Variants in ATF6 observed in about 807,000 individuals in gnomAD.
ATF6 encodes the protein cyclic AMP-dependent transcription factor ATF-6 alpha.
A neutral mutation model predicts 83.6 loss-of-function variants in ATF6; 53 were observed. The observed-to-expected ratio is 0.63, with a 90% CI of 0.51 to 0.80. The LOEUF (loss-of-function observed/expected upper bound fraction) is 0.80. Among genes scored for constraint, ATF6 ranks in the 30% least tolerant of loss-of-function variants. The pLI is 0.00. For synonymous variants in ATF6, 288 were observed against 285.8 expected, an observed-to-expected ratio of 1.01 and a Z score of -0.08; for missense variants, 744 against 797.9, an observed-to-expected ratio of 0.93 and a Z score of 0.81.
intron 15 of ATF6, among the ~76,000 whole-genome samples, chr1:161,916,681 C>T (rs560354450): frequency 6.6e-6 from 1 of 152,268 alleles, no homozygotes; most frequent in South Asian, 2.1e-4. Flanking sequence ...TTCCTTTAAT[C>T]TAGAAAAGCT....
intron 4 of ATF6, among the ~76,000 whole-genome samples, chr1:161,789,424 C>T (rs560855342): frequency 3.3e-5 from 5 of 151,902 alleles, no homozygotes; most frequent in African/African-American, 1.2e-4. Context: ...GTTTGTCTTT[C>T]TGTGCCTGGC....
chr1:161,817,282 C>T (rs189572078), intron 7 of ATF6, among the ~76,000 whole-genome samples: 26 of 152,296 alleles, frequency 1.7e-4, no homozygotes, highest in Non-Finnish European at 5.9e-5. Context: ...TGCCTTTTGT[C>T]TAACTTTTAG....
chr1:161,956,410 A>G (rs1469734853), intron 15 of ATF6, among the ~76,000 whole-genome samples: 1 of 152,236 alleles, frequency 6.6e-6, no homozygotes, highest in Non-Finnish European at 1.5e-5. Flanking sequence ...CACGTGTTGT[A>G]AATGAAATGA....
intron 8 of ATF6, 51 bp downstream of exon 8, chr1:161,819,869 A>G: frequency 7.0e-7 from 1 of 1,425,316 alleles, no homozygotes; most frequent in African/African-American, 1.5e-5. Context: ...TATCCTCTGG[A>G]TTAATAAATA....
chr1:161,920,714 A>C (rs951021450), intron 15 of ATF6, among the ~76,000 whole-genome samples: 32 of 152,050 alleles, frequency 2.1e-4, no homozygotes, highest in African/African-American at 7.2e-4. Context: ...GATTGCAGAA[A>C]TTCTTTTGGC....
intron 6 of ATF6, among the ~76,000 whole-genome samples, chr1:161,795,819 G>T (rs913009636): frequency 6.6e-6 from 1 of 152,186 alleles, no homozygotes; most frequent in African/African-American, 2.4e-5. Context: ...TTGTGGCCTG[G>T]TCAGCATTTA....
At chr1:161,912,689 G>C (rs1688015585) in intron 15 of ATF6, among the ~76,000 whole-genome samples, 1 of 152,146 alleles carries the variant, frequency 6.6e-6, no homozygotes, top group African/African-American at 2.4e-5. Context: ...AGCCCCTGCT[G>C]TGTTCTGACA....
At chr1:161,859,536 T>C (rs1686835536) in intron 12 of ATF6, among the ~76,000 whole-genome samples, 1 of 152,122 alleles carries the variant, frequency 6.6e-6, no homozygotes, top group Non-Finnish European at 1.5e-5. Flanking sequence ...AAGATTACTT[T>C]CTAATGAAAT....
chr1:161,802,276 A>C lies in ATF6; in HGVS notation c.909+4A>C. ...CATGAGAAATGTCGGTTCAGATGTA[A>C]GTTTTGAAACTTAGTGCTTCTCTTA... On this transcript the variant is annotated splice_donor_region_variant and intron_variant, in intron 7 of 15. Transcript: ENST00000367942. The C allele has an allele frequency of 6.2e-7, 1 of 1,612,962 alleles. No homozygotes were observed. The highest frequency in any genetic ancestry group is 8.5e-7 in the Non-Finnish European group (1 of 1,179,112).
intron 9 of ATF6, among the ~76,000 whole-genome samples, chr1:161,830,679 C>G (rs1686033203): frequency 6.6e-6 from 1 of 152,200 alleles, no homozygotes; most frequent in African/African-American, 2.4e-5. Context: ...ACAAACCTGA[C>G]AAAACCAAGC....
At chr1:161,918,009 A>G (rs1303612009) in intron 15 of ATF6, among the ~76,000 whole-genome samples, 1 of 152,182 alleles carries the variant, frequency 6.6e-6, no homozygotes, top group Non-Finnish European at 1.5e-5. Context: ...CTAATTAATT[A>G]TATTGTTAAT....
At chr1:161,774,748 T>G (rs1386544642) in intron 1 of ATF6, among the ~76,000 whole-genome samples, 1 of 152,214 alleles carries the variant, frequency 6.6e-6, no homozygotes, top group South Asian at 2.1e-4. Flanking sequence ...TGTCATCCAA[T>G]TCAAAGACAC....
At chr1:161,938,655 C>T (rs1688584924) in intron 15 of ATF6, among the ~76,000 whole-genome samples, 1 of 152,112 alleles carries the variant, frequency 6.6e-6, no homozygotes, top group Non-Finnish European at 1.5e-5. Context: ...TAAACCACTG[C>T]TATTTCCATT....
In ATF6 at chr1:161,962,961, A is replaced by C. The variant is rs1379751212; in HGVS notation, c.*4307A>C. The C allele has an allele frequency of 1.3e-5, 2 of 152,222 alleles. No homozygotes were observed. The highest frequency in any genetic ancestry group is 2.9e-5 in the Non-Finnish European group (2 of 68,030). 9.4% of individuals were successfully genotyped at this position (152,222 alleles called of 1,614,324 possible). On this transcript the variant is annotated 3_prime_UTR_variant, in exon 16 of 16. Coordinates refer to ENST00000367942, the MANE Select transcript of ATF6 (RefSeq NM_007348.4). ...AATACCAATTATAACTTTTAGAAAC[A>C]AGAATAAAGCCTAAAAGAGAATGAA...
intron 14 of ATF6, among the ~76,000 whole-genome samples, chr1:161,879,181 T>A (rs139426689): frequency 5.9e-5 from 9 of 152,234 alleles, no homozygotes; most frequent in African/African-American, 2.2e-4. Context: ...TCTAACAGTT[T>A]CTGTTTTCCC....
At position 161,792,331 on chromosome 1, in the gene ATF6, C is replaced by T; in HGVS notation, c.688+4C>T. The T allele has an allele frequency of 6.2e-7, 1 of 1,612,430 alleles. No homozygotes were observed. Among genetic ancestry groups the T allele is most frequent in the Middle Eastern group, 1.6e-4 (1 of 6,062 alleles). ...TTACAACCTGCACCCACTAAAGGTA[C>T]CTGAGCAGAATTTAAGGCTGTGTAA... On this transcript the variant is annotated splice_donor_region_variant and intron_variant, in intron 6 of 15. Coordinates refer to ENST00000367942, the MANE Select transcript of ATF6 (RefSeq NM_007348.4).
intron 5 of ATF6, among the ~76,000 whole-genome samples, chr1:161,791,894 A>AC (rs1477795659): frequency 1.3e-5 from 2 of 152,208 alleles, no homozygotes; most frequent in Non-Finnish European, 2.9e-5. Context: ...TTTACCAGTT[A>AC]GTGTGTCCCA....
intron 7 of ATF6, among the ~76,000 whole-genome samples, chr1:161,806,290 A>G (rs1685279894): frequency 6.6e-6 from 1 of 152,238 alleles, no homozygotes; most frequent in Non-Finnish European, 1.5e-5. Flanking sequence ...CTTAAAAACA[A>G]GCAGTCTGTT....
intron 9 of ATF6, among the ~76,000 whole-genome samples, chr1:161,838,240 A>G (rs1686269986): frequency 6.6e-6 from 1 of 152,230 alleles, no homozygotes; most frequent in Non-Finnish European, 1.5e-5. Context: ...ACTTTTCTGT[A>G]GTGAGAAATA....
Sources: allele counts gnomAD v4.1 joint callset (sites outside exome capture counted in the v4.1 genomes callset), GRCh38; gene constraint gnomAD v4.1.1; transcripts MANE v1.5; gene names NCBI Gene and HGNC (gene_info 2026-07-23, HGNC 2026-07-21).